ITIH3: variants seen among roughly 807,000 people sequenced by gnomAD.
ITIH3 encodes inter-alpha-trypsin inhibitor heavy chain H3.
ITIH3 carries 81 observed loss-of-function variants against 96.5 expected under a neutral mutation model. That is an observed-to-expected ratio of 0.84 (90% CI 0.70 to 1.01). The LOEUF is 1.01. ITIH3 is among the 50% of genes least tolerant of loss of function. ITIH3 has a pLI of 0.00. For synonymous variants in ITIH3, 422 were observed against 445.2 expected (o/e 0.95, Z 0.66); for missense variants, 1,057 against 1,139.3 (o/e 0.93, Z 1.04).
chr3:52,804,823 C>T (rs748975076), intron 15 of ITIH3, 89 bp downstream of exon 15: 392 of 1,432,550 alleles, frequency 2.7e-4, no homozygotes, highest in Non-Finnish European at 3.6e-4. Flanking sequence ...ATAGGACCCC[C>T]AGCCATGGGG....
At chr3:52,795,161 C>G (rs1333423870) in intron 1 of ITIH3, among the ~76,000 whole-genome samples, 2 of 152,236 alleles carry the variant, frequency 1.3e-5, no homozygotes, top group African/African-American at 2.4e-5. Context: ...GCTCACTTCA[C>G]TGAGGGGCAA....
intron 12 of ITIH3, 33 bp from the exon 13 acceptor site, chr3:52,802,634 C>G: frequency 6.2e-7 from 1 of 1,613,642 alleles, no homozygotes; most frequent in Non-Finnish European, 8.5e-7. Flanking sequence ...ACCCAAGCCT[C>G]CAGCCCCTTG....
rs768684372 is a variant in ITIH3 at position 52,796,859 on chromosome 3, C to T, written c.386+16C>T. ...GCTTGGTCAAGTAAGTATGGACTCC[C>T]AGGCCTTGGGGAGAATGTCTGGGAT... is the stretch of plus-strand genomic sequence containing the variant. On this transcript the variant is annotated intron_variant, in intron 4 of 21. Transcript: ENST00000449956. 2.6e-6 allele frequency: 4 copies of T among 1,553,388 alleles called. No homozygotes were observed. Among genetic ancestry groups the T allele is most frequent in the Non-Finnish European group, 3.5e-6 (4 of 1,140,568 alleles).
intron 10 of ITIH3, 63 bp from the exon 11 acceptor site, chr3:52,800,902 C>T: frequency 6.3e-7 from 1 of 1,597,376 alleles, no homozygotes; most frequent in Non-Finnish European, 8.5e-7. Context: ...TCTCCCCAGA[C>T]AGAGCTGGTC....
rs1699806521 is a variant in ITIH3, at chr3:52,800,900, G to C, written c.1202-65G>C. Reference sequence around the variant, plus strand: ...CATGTGCAGGAGTCCGGTCTCCCCAGACAGAGCTGGTCTAGACCATCCCCA... The same window carrying C: ...CATGTGCAGGAGTCCGGTCTCCCCACACAGAGCTGGTCTAGACCATCCCCA... On this transcript the variant is annotated intron_variant, in intron 10 of 21. Transcript: ENST00000449956. 7.5e-6 allele frequency: 12 copies of C among 1,595,664 alleles called. No individual in the cohort carries two copies. In the South Asian group the frequency reaches 1.4e-4, roughly 18 times the overall value.
chr3:52,794,895 G>C lies in ITIH3; in HGVS notation c.92G>C (p.Gly31Ala). 1 of 1,613,158 alleles carries C rather than the reference G, an allele frequency of 6.2e-7. No homozygotes were observed. Among genetic ancestry groups the C allele is most frequent in the South Asian group, 1.1e-5 (1 of 91,062 alleles). The change falls in exon 1 of 22, where the codon GGG (glycine) becomes GCG (alanine). Residue 31 changes from glycine to alanine, a missense_variant and splice_region_variant. Gly to Ala is a moderately conservative substitution (Grantham distance 60, BLOSUM62 0). Coordinates refer to ENST00000449956, the MANE Select transcript of ITIH3 (RefSeq NM_002217.4). Reference sequence around the variant, plus strand: ...CCGAGAAGCCCCTTTCGGCTGCTTGGGGTGAGTCTGCCCCCTCTTTGCCAT... The same window carrying C: ...CCGAGAAGCCCCTTTCGGCTGCTTGCGGTGAGTCTGCCCCCTCTTTGCCAT... ...GFPRSPFRLL[G>A]KRSLPEGVAN...
rs547000878 is a variant in ITIH3, at chr3:52,808,278, C to T, written c.2543+57C>T. On this transcript the variant is annotated intron_variant, in intron 21 of 21. Coordinates refer to ENST00000449956, the MANE Select transcript of ITIH3 (RefSeq NM_002217.4). ...TCAGCAACGAGAGGAGGAAAGAGCA[C>T]CTGCAGCCCAGGCACATTAGTCTGG... is the stretch of plus-strand genomic sequence containing the variant. 5 of 1,416,492 alleles carry T rather than the reference C, an allele frequency of 3.5e-6. No individual in the cohort carries two copies. In the South Asian group the frequency reaches 4.6e-5, roughly 13 times the overall value. 87.7% of individuals were successfully genotyped at this position (1,416,492 alleles called of 1,614,324 possible).
In ITIH3 at chr3:52,807,047, A is replaced by G. The variant is rs1347653276; in HGVS notation, c.2203A>G (p.Asn735Asp). Residue 735 changes from asparagine (N) to aspartate (D), a missense_variant, in exon 19 of 22, where the codon AAC becomes GAC. Coordinates refer to ENST00000449956, the MANE Select transcript of ITIH3 (RefSeq NM_002217.4). Reference protein sequence around the residue: ...EVTTEKITLWNRAVPSTFSWL... With the variant: ...EVTTEKITLWDRAVPSTFSWL... ...GACAACGGAGAAGATCACCCTGTGG[A>G]ACAGGGCCGTGCCGAGCACTTTCAG... 5.6e-6 allele frequency: 9 copies of G among 1,601,778 alleles called. No individual in the cohort carries two copies. The highest frequency in any genetic ancestry group is 1.7e-5 in the Admixed American group (1 of 58,446).
chr3:52,802,636 A>T, intron 12 of ITIH3, 31 bp from the exon 13 acceptor site: 1 of 1,613,600 alleles, frequency 6.2e-7, no homozygotes, highest in Non-Finnish European at 8.5e-7. Flanking sequence ...CCAAGCCTCC[A>T]GCCCCTTGCC....
At position 52,808,198 on chromosome 3, in the gene ITIH3, G is replaced by A. The variant is rs1700126335; in HGVS notation, c.2520G>A (p.Lys840=). Residue 840 remains lysine, a synonymous_variant, in exon 21 of 22, where the codon AAG becomes AAA. Coordinates refer to ENST00000449956, the MANE Select transcript of ITIH3 (RefSeq NM_002217.4). ...PTKPDATLVV[K]NHQLIVTRGS... ...AGCCAGATGCCACATTGGTGGTGAA[G>A]AACCATCAGCTGATTGTCACCAGGT... The A allele has an allele frequency of 6.2e-7, 1 of 1,614,138 alleles. No homozygotes were observed.
At position 52,796,777 on chromosome 3, in the gene ITIH3, AGAAG is replaced by A. The variant is rs773436288; in HGVS notation, c.325_328del (p.Glu109LeufsTer45). The stretch of plus-strand genomic sequence containing the variant: ...GTTACCTACCCTGGGAATGTCAAGG[AGAAG>A]GAAGTTGCCAAGAAGCAGTATGAAA... On this transcript the variant is annotated frameshift_variant, in exon 4 of 22. Transcript: ENST00000449956. LOFTEE classifies it high-confidence loss of function. 1.5e-5 allele frequency: 24 copies of A among 1,612,966 alleles called. No individual in the cohort carries two copies. The highest frequency in any genetic ancestry group is 8.5e-7 in the Non-Finnish European group (1 of 1,179,578).
chr3:52,795,652 G>A (rs756033023), intron 2 of ITIH3, 29 bp downstream of exon 2: 57 of 1,608,350 alleles, frequency 3.5e-5, no homozygotes, highest in Middle Eastern at 1.6e-4. Context: ...GGGTGGGACC[G>A]AGTGGGGCAG....
chr3:52,807,028 G>C lies in ITIH3; in HGVS notation c.2184G>C (p.Thr728=). Residue 728 remains threonine, a synonymous_variant, in exon 19 of 22, where the codon ACG becomes ACC. Coordinates refer to ENST00000449956, the MANE Select transcript of ITIH3 (RefSeq NM_002217.4). ...TGGACTTCCAGGTGGAGGTGACAAC[G>C]GAGAAGATCACCCTGTGGAACAGGG... is the stretch of plus-strand genomic sequence containing the variant. The part of the protein sequence containing the change: ...AQMDFQVEVT[T]EKITLWNRAV... 1 of 1,601,806 alleles carries C rather than the reference G, an allele frequency of 6.2e-7. No individual in the cohort carries two copies. The highest frequency in any genetic ancestry group is 1.1e-5 in the South Asian group (1 of 88,382).
rs780575959 is a variant in ITIH3, at chr3:52,795,649, A to T, written c.114+26A>T. The T allele has an allele frequency of 3.7e-6, 6 of 1,609,712 alleles. No individual in the cohort carries two copies. The Admixed American group carries it at 1.0e-4, about 27-fold the overall frequency. ...GTAAGAACTTTCACCAGGGGGTGGG[A>T]CCGAGTGGGGCAGGGCAGGATGGAG... On this transcript the variant is annotated intron_variant, in intron 2 of 21. Transcript: ENST00000449956.
chr3:52,804,030 C>T (rs751956163), intron 14 of ITIH3, 21 bp downstream of exon 14: 44 of 1,605,152 alleles, frequency 2.7e-5, no homozygotes, highest in Admixed American at 3.4e-5. Context: ...GGATGGAGGC[C>T]GGAACCCGGA....
chr3:52,805,719 G>T, intron 15 of ITIH3, 89 bp from the exon 16 acceptor site: 1 of 1,584,194 alleles, frequency 6.3e-7, no homozygotes, highest in Non-Finnish European at 8.6e-7. Flanking sequence ...CCCCTCTGGG[G>T]CCCAGCAGCG....
At position 52,797,914 on chromosome 3, in the gene ITIH3, CCTT is replaced by C; in HGVS notation, c.650_652del (p.Phe217del). 10 of 1,598,552 alleles carry C rather than the reference CCTT, an allele frequency of 6.3e-6. No individual in the cohort carries two copies. Among genetic ancestry groups the C allele is most frequent in the Non-Finnish European group, 8.5e-6 (10 of 1,172,366 alleles). Reference sequence around the variant, plus strand: ...CTCCTGGGAAGCGCCCTCACCAAGTCCTTCTCAGGGAAAAAGGTGATGTAGATG... The same window carrying C: ...CTCCTGGGAAGCGCCCTCACCAAGTCCTCAGGGAAAAAGGTGATGTAGATG... On this transcript the variant is annotated inframe_deletion, in exon 6 of 22. Transcript: ENST00000449956.
rs370362665 is a variant in ITIH3, at chr3:52,796,766, G to A, written c.309G>A (p.Gly103=). The A allele has an allele frequency of 2.1e-5, 34 of 1,612,782 alleles. No individual in the cohort carries two copies. The African/African-American group carries it at 3.3e-4, about 16-fold the overall frequency. The stretch of plus-strand genomic sequence containing the variant: ...CCATCGACGGTGTTACCTACCCTGG[G>A]AATGTCAAGGAGAAGGAAGTTGCCA... ...TLTIDGVTYP[G]NVKEKEVAKK... is the part of the protein sequence containing the mutation. Residue 103 remains glycine, a synonymous_variant, in exon 4 of 22, where the codon GGG becomes GGA. Transcript: ENST00000449956.
rs1700108291 is a variant in ITIH3, at chr3:52,807,763, A to G, written c.2278A>G (p.Asn760Asp). ...CTCTCGTAGGCTGTCCATGATGATC[A>G]ACAGGAAGAACATGGTGGTCTCCTT... The part of the protein sequence containing the change: ...VTQDGLSMMI[N>D]RKNMVVSFGD... Residue 760 changes from asparagine to aspartate, a missense_variant, in exon 20 of 22, where the codon AAC becomes GAC. Coordinates refer to ENST00000449956, the MANE Select transcript of ITIH3 (RefSeq NM_002217.4). The G allele has an allele frequency of 3.1e-6, 5 of 1,611,362 alleles. No individual in the cohort carries two copies. In the South Asian group the frequency reaches 4.4e-5, roughly 14 times the overall value.
Sources: allele counts gnomAD v4.1 joint callset (sites outside exome capture counted in the v4.1 genomes callset), GRCh38; gene constraint gnomAD v4.1.1; transcripts MANE v1.5; gene names NCBI Gene and HGNC (gene_info 2026-07-23, HGNC 2026-07-21).